Variants in OTOG observed in about 807,000 individuals in gnomAD.
The protein encoded by OTOG is otogelin.
Under a neutral mutation model 313.8 loss-of-function variants are expected in OTOG, and 296 were observed. The ratio of observed to expected loss-of-function variants is 0.94; its 90% CI spans 0.86 to 1.04. The LOEUF is 1.04. OTOG is among the 50% of genes least tolerant of loss of function. OTOG has a pLI of 0.00. For synonymous variants in OTOG, 1,533 were observed against 1,554.9 expected (o/e 0.99, Z 0.33); for missense variants, 3,948 against 3,840.1 (o/e 1.03, Z -0.74).
chr11:17,622,334 GA>G (rs1436950490), intron 39 of OTOG, among the ~76,000 whole-genome samples: 1 of 152,044 alleles, frequency 6.6e-6, no homozygotes, highest in Non-Finnish European at 1.5e-5. Context: ...CGTAAAATGG[GA>G]TATCCCTCCC....
At chr11:17,551,336 C>T (rs749486629) in intron 3 of OTOG, among the ~76,000 whole-genome samples, 8 of 152,096 alleles carry the variant, frequency 5.3e-5, no homozygotes, top group Admixed American at 3.3e-4. Context: ...TGATTTCAGG[C>T]GGTTTATGTC....
At chr11:17,634,358 A>C in intron 44 of OTOG, 77 bp downstream of exon 44, 1 of 1,430,974 alleles carries the variant, frequency 7.0e-7, no homozygotes, top group Non-Finnish European at 9.5e-7. Context: ...ACCAACCCTG[A>C]TGGATAGGAC....
At chr11:17,564,178 G>T (rs1006077194) in intron 15 of OTOG, among the ~76,000 whole-genome samples, 3 of 152,176 alleles carry the variant, frequency 2.0e-5, no homozygotes, top group African/African-American at 7.2e-5. Flanking sequence ...CCAGCTCTGT[G>T]CTGGGCATGG....
At chr11:17,586,603 G>T (rs1852800262) in intron 24 of OTOG, 22 bp downstream of exon 24, 1 of 1,334,352 alleles carries the variant, frequency 7.5e-7, no homozygotes, top group Non-Finnish European at 9.7e-7. Context: ...TCCCAAGCAG[G>T]CTTTGCTTTT....
In OTOG at chr11:17,578,487, C is replaced by A; in HGVS notation, c.2720C>A (p.Ala907Asp). ...CAACTGCTGAACCTGAGCGTGTCAG[C>A]CCGTGGCCCCTGCCTCTCGGGCTGC... Reference protein sequence around the residue: ...EQQLLNLSVSARGPCLSGCAC... With the variant: ...EQQLLNLSVSDRGPCLSGCAC... Residue 907 changes from alanine (A) to aspartate (D), a missense_variant, in exon 23 of 56, where the codon GCC becomes GAC. Coordinates refer to ENST00000399397, the MANE Select transcript of OTOG (RefSeq NM_001292063.2). 1 of 1,539,616 alleles carries A rather than the reference C, an allele frequency of 6.5e-7. No homozygotes were observed.
chr11:17,604,098 G>A (rs1372877661), intron 32 of OTOG, among the ~76,000 whole-genome samples: 2 of 152,206 alleles, frequency 1.3e-5, no homozygotes, highest in South Asian at 4.1e-4. Context: ...TGCAGTGCTT[G>A]TTAGTGACAG....
intron 6 of OTOG, among the ~76,000 whole-genome samples, chr11:17,555,053 A>T (rs1296063565): frequency 6.6e-6 from 1 of 152,192 alleles, no homozygotes. Context: ...CTGCTTAATC[A>T]CATTGAACAG....
intron 23 of OTOG, among the ~76,000 whole-genome samples, chr11:17,583,906 T>C (rs1036196554): frequency 6.6e-6 from 1 of 152,218 alleles, no homozygotes; most frequent in Non-Finnish European, 1.5e-5. Context: ...TTGGGGAGAA[T>C]TGGCATCTTA....
chr11:17,624,241 G>T (rs567135433), intron 39 of OTOG, among the ~76,000 whole-genome samples: 2 of 152,274 alleles, frequency 1.3e-5, no homozygotes, highest in East Asian at 1.9e-4. Context: ...TCTGTGTCCA[G>T]AATGGTATTG....
rs1852160965 is a variant in OTOG, at chr11:17,560,710, G to T, written c.1344G>T (p.Gly448=). ...ACVDGCYCPN[G]LIFEDGGCVA... ...ATTGGCCCTTTGCTGTCACTCTAGG[G>T]CTCATCTTCGAGGATGGGGGCTGCG... The change falls in exon 13 of 56, where the codon GGG becomes GGT. Residue 448 remains glycine (G), a splice_region_variant and synonymous_variant. Transcript: ENST00000399397. 4 of 1,550,166 alleles carry T rather than the reference G, an allele frequency of 2.6e-6. No individual in the cohort carries two copies. The highest frequency in any genetic ancestry group is 3.5e-6 in the Non-Finnish European group (4 of 1,146,616).
At chr11:17,552,744 G>A (rs1304837546) in intron 4 of OTOG, among the ~76,000 whole-genome samples, 2 of 152,224 alleles carry the variant, frequency 1.3e-5, no homozygotes, top group Non-Finnish European at 2.9e-5. Flanking sequence ...TGAGTGTGTG[G>A]AGCAGTGAGG....
At chr11:17,576,749 G>C (rs1344363182) in intron 21 of OTOG, 119 bp downstream of exon 21, 2 of 1,438,646 alleles carry the variant, frequency 1.4e-6, no homozygotes, top group South Asian at 1.2e-5. Context: ...TGTGCAGGGA[G>C]GGGGAAGTGA....
intron 43 of OTOG, 24 bp from the exon 44 acceptor site, chr11:17,634,045 G>C (rs997189928): frequency 6.5e-7 from 1 of 1,535,118 alleles, no homozygotes; most frequent in Non-Finnish European, 8.8e-7. Flanking sequence ...TCAGTCCCTC[G>C]CACCCTGCCA....
At position 17,635,652 on chromosome 11, in the gene OTOG, G is replaced by A; in HGVS notation, c.7736G>A (p.Gly2579Glu). 2 of 1,550,580 alleles carry A rather than the reference G, an allele frequency of 1.3e-6. No individual in the cohort carries two copies. The highest frequency in any genetic ancestry group is 1.2e-5 in the South Asian group (1 of 84,066). ...GACTCCATCCCCGAATGTCAAGAAG[G>A]GGAGGCGCTCACTGTGCACAGGAAT... is the stretch of plus-strand genomic sequence containing the variant. ...CPDSIPECQEGEALTVHRNTT... is the reference protein window; with the variant it reads ...CPDSIPECQEEEALTVHRNTT... Residue 2579 changes from glycine to glutamate, a missense_variant, in exon 47 of 56, where the codon GGG becomes GAG. By Grantham distance (98) the Gly-to-Glu change is moderately conservative. Transcript: ENST00000399397.
chr11:17,553,293 G>T lies in OTOG; in HGVS notation c.386-72G>T, dbSNP rs565089301. Reference sequence around the variant, plus strand: ...GGAGAAAGGGAGCAGCACTTCCAGGGCTGGAACCCACCAGCCTCTGGCTTG... The same window carrying T: ...GGAGAAAGGGAGCAGCACTTCCAGGTCTGGAACCCACCAGCCTCTGGCTTG... On this transcript the variant is annotated intron_variant, in intron 5 of 55. Coordinates refer to ENST00000399397, the MANE Select transcript of OTOG (RefSeq NM_001292063.2). The T allele has an allele frequency of 1.2e-4, 186 of 1,514,502 alleles. 1 individual carries two copies. The South Asian group carries it at 1.3e-3, about 11-fold the overall frequency. The allele number at this position is 1,514,502 out of a possible 1,614,324, so 93.8% of individuals were successfully genotyped here. A position where few individuals can be genotyped will look rare whatever the true frequency, so the allele number is the denominator to read the frequency against.
Position 17,548,139 on chromosome 11 carries a change from G to A in OTOG, c.156-13G>A, listed in dbSNP as rs749974438. 18 of 1,545,580 alleles carry A rather than the reference G, an allele frequency of 1.2e-5. No individual in the cohort carries two copies. The highest frequency in any genetic ancestry group is 1.7e-4 in the Middle Eastern group (1 of 5,986). ...CTAGCCCCCCATCCATGCCAGACTC[G>A]TGTTTCCTCCAGCAGCAGCCACCAG... is the stretch of plus-strand genomic sequence containing the variant. On this transcript the variant is annotated splice_polypyrimidine_tract_variant and intron_variant, in intron 2 of 55. Transcript: ENST00000399397.
intron 24 of OTOG, among the ~76,000 whole-genome samples, chr11:17,590,284 T>C (rs1417951996): frequency 6.6e-6 from 1 of 152,164 alleles, no homozygotes; most frequent in East Asian, 1.9e-4. Flanking sequence ...CAAACTTGCT[T>C]CTCCCTCAGC....
chr11:17,617,481 T>C (rs1853749044), intron 39 of OTOG, among the ~76,000 whole-genome samples: 1 of 152,216 alleles, frequency 6.6e-6, no homozygotes, highest in African/African-American at 2.4e-5. Context: ...TCAATTTCTT[T>C]AGTAGGTGTA....
intron 39 of OTOG, among the ~76,000 whole-genome samples, chr11:17,617,584 A>G (rs954978299): frequency 6.6e-6 from 1 of 152,210 alleles, no homozygotes; most frequent in Non-Finnish European, 1.5e-5. Flanking sequence ...TGTTAAATTT[A>G]TAAACATTAA....
Sources: allele counts gnomAD v4.1 joint callset (sites outside exome capture counted in the v4.1 genomes callset), GRCh38; gene constraint gnomAD v4.1.1; transcripts MANE v1.5; gene names NCBI Gene and HGNC (gene_info 2026-07-23, HGNC 2026-07-21).